The following SLC2A12 variants were observed in gnomAD, a reference collection of about 807,000 sequenced individuals.
The protein encoded by SLC2A12 is solute carrier family 2 member 12.
In SLC2A12, 23 loss-of-function variants were observed where a neutral mutation model predicts 41.8. The observed-to-expected ratio is 0.55, with a 90% CI of 0.40 to 0.78. The LOEUF (loss-of-function observed/expected upper bound fraction) is 0.78, where lower values mean the gene tolerates loss of function less well. Among genes scored for constraint, SLC2A12 ranks in the 30% least tolerant of loss-of-function variants. SLC2A12 has a pLI of 0.00. For missense variants in SLC2A12, 654 were observed against 745.6 expected (o/e 0.88, Z 1.43); for synonymous variants, 295 against 285.9 (o/e 1.03, Z -0.32).
chr6:133,997,414 T>A (rs1776709478), intron 4 of SLC2A12, among the ~76,000 whole-genome samples: 2 of 152,180 alleles, frequency 1.3e-5, no homozygotes, highest in Non-Finnish European at 2.9e-5. Flanking sequence ...CAGGTGTCCA[T>A]GAGCAGTGGA....
Position 134,028,734 on chromosome 6 carries a change from A to C in SLC2A12, c.1091T>G (p.Val364Gly). ...GAAGTTCATGTGGATGTTGAGATTT[A>C]CGATGCCCATGGTCACCAACGAAGC... ...MAASLVTMGIVNLNIHMNFTH... is the reference protein window; with the variant it reads ...MAASLVTMGIGNLNIHMNFTH... Residue 364 changes from valine to glycine, a missense_variant, in exon 2 of 5, where the codon GTA (valine) becomes GGA (glycine). Around this residue, in one of 3 missense-constraint regions of SLC2A12, gnomAD observed 411 missense variants for 412.1 expected, o/e 1.00. Coordinates refer to ENST00000275230, the MANE Select transcript of SLC2A12 (RefSeq NM_145176.3). 6.2e-7 allele frequency: 1 copy of C among 1,614,178 alleles called. No homozygotes were observed. Among genetic ancestry groups the C allele is most frequent in the Non-Finnish European group, 8.5e-7 (1 of 1,180,032 alleles).
chr6:134,028,822 T>A lies in SLC2A12; in HGVS notation c.1003A>T (p.Thr335Ser). The A allele has an allele frequency of 6.2e-7, 1 of 1,613,956 alleles. No homozygotes were observed. Among genetic ancestry groups the A allele is most frequent in the South Asian group, 1.1e-5 (1 of 91,066 alleles). The change falls in exon 2 of 5, where the codon ACT (threonine) becomes TCT (serine). Residue 335 changes from threonine (T) to serine (S), a missense_variant. Physicochemically the swap from Thr to Ser is moderately conservative, Grantham distance 58. Transcript: ENST00000275230. ...CTGCCGACATGGTCTACAAGAAGAG[T>A]GGCAGGGATGGTGCTAATGACCTTG... ...VVKVISTIPATLLVDHVGSKT... is the reference protein window; with the variant it reads ...VVKVISTIPASLLVDHVGSKT...
chr6:134,042,821 G>T (rs536662099), intron 1 of SLC2A12, among the ~76,000 whole-genome samples: 12 of 152,182 alleles, frequency 7.9e-5, no homozygotes, highest in African/African-American at 2.9e-4. Context: ...AAAAAAATTA[G>T]CTGAGTGTGG....
intron 1 of SLC2A12, among the ~76,000 whole-genome samples, chr6:134,032,426 TTATATA>T (rs1210191475): frequency 2.8e-5 from 1 of 35,506 alleles, no homozygotes; most frequent in East Asian, 4.8e-4. Context: ...ATATATATAT[TTATATA>T]TATATATATA....
intron 1 of SLC2A12, among the ~76,000 whole-genome samples, chr6:134,037,217 C>T (rs569323180): frequency 1.5e-4 from 20 of 130,644 alleles, no homozygotes; most frequent in African/African-American, 5.7e-4. Context: ...TGCAGTGGCG[C>T]GATTTCGGCT....
intron 4 of SLC2A12, among the ~76,000 whole-genome samples, chr6:133,995,969 C>G (rs1776682088): frequency 6.6e-6 from 1 of 152,168 alleles, no homozygotes; most frequent in Non-Finnish European, 1.5e-5. Context: ...TCTTTATTAC[C>G]CAGGTTTTAT....
At position 134,028,864 on chromosome 6, in the gene SLC2A12, T is replaced by A. The variant is rs1395253699; in HGVS notation, c.961A>T (p.Thr321Ser). The change falls in exon 2 of 5, where the codon ACT (threonine) becomes TCT (serine). Residue 321 changes from threonine to serine, a missense_variant. Thr to Ser is a moderately conservative substitution (Grantham distance 58, BLOSUM62 1). Around this residue, in one of 3 missense-constraint regions of SLC2A12, gnomAD observed 411 missense variants for 412.1 expected, o/e 1.00. Transcript: ENST00000275230. ...ATGACCTTGACGACTCCAACCCCAG[T>A]GGAGGCGAGGCTAGCTGCCTCATTG... ...QSNEAASLAS[T>S]GVGVVKVIST... 6.2e-7 allele frequency: 1 copy of A among 1,614,224 alleles called. No individual in the cohort carries two copies. Among genetic ancestry groups the A allele is most frequent in the East Asian group, 2.2e-5 (1 of 44,884 alleles).
chr6:134,031,444 T>A (rs1777205679), intron 1 of SLC2A12, among the ~76,000 whole-genome samples: 1 of 151,932 alleles, frequency 6.6e-6, no homozygotes, highest in African/African-American at 2.4e-5. Flanking sequence ...ACATTACACT[T>A]GTTCAAGAAT....
At chr6:134,010,542 C>T (rs1391815934) in intron 2 of SLC2A12, among the ~76,000 whole-genome samples, 1 of 152,172 alleles carries the variant, frequency 6.6e-6, no homozygotes, top group African/African-American at 2.4e-5. Context: ...AATTCGTACT[C>T]TTACAAATGT....
chr6:134,009,612 G>A (rs1776854203), intron 2 of SLC2A12, among the ~76,000 whole-genome samples: 1 of 152,042 alleles, frequency 6.6e-6, no homozygotes, highest in South Asian at 2.1e-4. Flanking sequence ...CTTGAGCTCA[G>A]TAGTTACAGA....
rs758493804 is a variant in SLC2A12, at chr6:134,006,951, A to G, written c.1445-17T>C. 2.5e-5 allele frequency: 40 copies of G among 1,613,730 alleles called. No homozygotes were observed. In the Admixed American group the frequency reaches 6.7e-4, roughly 27 times the overall value. On this transcript the variant is annotated splice_polypyrimidine_tract_variant and intron_variant, in intron 2 of 4. Transcript: ENST00000275230. Reference sequence around the variant, plus strand: ...GCCAGGGCACTAGAAGAAAGGCAAGAGTGGGTGGCGGACAGCACATTTAGC... The same window carrying G: ...GCCAGGGCACTAGAAGAAAGGCAAGGGTGGGTGGCGGACAGCACATTTAGC...
rs374748762 is a variant in SLC2A12, at chr6:134,029,260, A to G, written c.565T>C (p.Phe189Leu). The stretch of plus-strand genomic sequence containing the variant: ...TTCCAGCCATGGAAAACATTGGCAA[A>G]TGCGTAATTTGAAATATAGGCAGAA... The part of the protein sequence containing the change: ...ILSAYISNYA[F>L]ANVFHGWKYM... The change falls in exon 2 of 5, where the codon TTT becomes CTT. Residue 189 changes from phenylalanine to leucine, a missense_variant. Transcript: ENST00000275230. The G allele has an allele frequency of 1.3e-5, 21 of 1,614,122 alleles. No individual in the cohort carries two copies. In the African/African-American group the frequency reaches 2.5e-4, roughly 19 times the overall value.
rs989051630 is a variant in SLC2A12 at position 134,010,035 on chromosome 6, A to G, written c.1445-3101T>C. On this transcript the variant is annotated intron_variant, in intron 2 of 4. Coordinates refer to ENST00000275230, the MANE Select transcript of SLC2A12 (RefSeq NM_145176.3). ...CAGTGCCAGAATCTCACCAATCTTG[A>G]TGTTCTCTGGAAAGATGCTTTCAAT... Among the ~76,000 whole-genome samples, 3 of 152,282 alleles carry G rather than the reference A, an allele frequency of 2.0e-5. No homozygotes were observed. In the East Asian group the frequency reaches 5.8e-4, roughly 29 times the overall value.
chr6:133,990,469 A>G lies in SLC2A12; in HGVS notation c.*686T>C, dbSNP rs1776605342. 2 of 152,658 alleles carry G rather than the reference A, an allele frequency of 1.3e-5. No individual in the cohort carries two copies. The highest frequency in any genetic ancestry group is 4.8e-5 in the African/African-American group (2 of 41,466). 9.5% of individuals were successfully genotyped at this position (152,658 alleles called of 1,614,324 possible). ...ATGCATTTTTTAAAAATGGAAAAAA[A>G]TGCTCATTTTTCTCAACTATTGTGG... On this transcript the variant is annotated 3_prime_UTR_variant, in exon 5 of 5. Transcript: ENST00000275230.
At chr6:134,040,088 T>G (rs2114500698) in intron 1 of SLC2A12, among the ~76,000 whole-genome samples, 1 of 151,766 alleles carries the variant, frequency 6.6e-6, no homozygotes, top group South Asian at 2.1e-4. Flanking sequence ...TGTTTTTTGT[T>G]TTTTTTGAGA....
intron 1 of SLC2A12, among the ~76,000 whole-genome samples, chr6:134,037,144 A>ATTTTT (rs533155835): frequency 6.0e-5 from 5 of 83,310 alleles, no homozygotes; most frequent in Admixed American, 1.4e-4. Context: ...ACTCGATTCA[A>ATTTTT]TTTTTTTTTT....
At chr6:134,034,804 C>G (rs1220679656) in intron 1 of SLC2A12, among the ~76,000 whole-genome samples, 3 of 152,094 alleles carry the variant, frequency 2.0e-5, no homozygotes, top group African/African-American at 7.2e-5. Flanking sequence ...TCACAATTAG[C>G]ACTTTTCCAA....
chr6:134,042,973 AAAC>A (rs1332789202), intron 1 of SLC2A12, among the ~76,000 whole-genome samples: 1 of 80,732 alleles, frequency 1.2e-5, no homozygotes, highest in Non-Finnish European at 2.7e-5. Context: ...TCTCAAAACA[AAAC>A]AAAACAAAAC....
At chr6:133,992,276 G>A (rs1776634114) in intron 4 of SLC2A12, among the ~76,000 whole-genome samples, 1 of 152,180 alleles carries the variant, frequency 6.6e-6, no homozygotes, top group Non-Finnish European at 1.5e-5. Context: ...CAGTGTGTGT[G>A]GGCATAGATG....
Sources: gnomAD v4.1 joint callset for allele counts (sites outside exome capture counted in the v4.1 genomes callset) on GRCh38, gnomAD v4.1.1 for gene constraint, gnomAD v4.1.1 regional missense constraint, MANE v1.5 for transcripts, NCBI Gene and HGNC (gene_info 2026-07-23, HGNC 2026-07-21) for gene names.